Variants in KIF13B observed in about 807,000 individuals in gnomAD.
KIF13B encodes the protein kinesin-like protein KIF13B.
KIF13B carries 127 observed loss-of-function variants against 222.0 expected under a neutral mutation model. That is an observed-to-expected ratio of 0.57 (90% CI 0.50 to 0.66). The LOEUF (loss-of-function observed/expected upper bound fraction) is 0.66, where lower values mean the gene tolerates loss of function less well. Ranked by LOEUF, KIF13B falls within the 30% of genes least tolerant of loss-of-function variation. The pLI is 0.00. For synonymous variants in KIF13B, 976 were observed against 919.0 expected, an observed-to-expected ratio of 1.06 and a Z score of -1.12; for missense variants, 2,173 against 2,379.0, an observed-to-expected ratio of 0.91 and a Z score of 1.80.
chr8:29,154,284 T>A (rs936643662), intron 14 of KIF13B, among the ~76,000 whole-genome samples: 1 of 151,624 alleles, frequency 6.6e-6, no homozygotes, highest in Non-Finnish European at 1.5e-5. Context: ...ACCACTGCAC[T>A]ACAGCCTGGG....
rs1460933106 is a variant in KIF13B at position 29,147,443 on chromosome 8, G to A, written c.1973C>T (p.Ser658Phe). The change falls in exon 17 of 40, where the codon TCT becomes TTT. Residue 658 changes from serine to phenylalanine, a missense_variant. Ser to Phe is a radical substitution (Grantham distance 155). Around this residue, in one of 2 missense-constraint regions of KIF13B, gnomAD observed 1,480 missense variants for 1,722.8 expected, o/e 0.86. Transcript: ENST00000524189. ...KQNCRSMDRF[S>F]FHSPSAQQRL... ...TTGCTGAGCGCTGGGCGAGTGGAAA[G>A]AAAACCTGTCCATGCTCCGGCAGTT... The A allele has an allele frequency of 4.3e-6, 7 of 1,612,132 alleles. No individual in the cohort carries two copies. The highest frequency in any genetic ancestry group is 1.3e-5 in the African/African-American group (1 of 74,912).
chr8:29,125,836 C>T (rs1052507355), intron 26 of KIF13B, among the ~76,000 whole-genome samples: 1 of 152,086 alleles, frequency 6.6e-6, no homozygotes, highest in African/African-American at 2.4e-5. Context: ...CAGTCGGGCG[C>T]GGTGGCTCAT....
Position 29,155,839 on chromosome 8 carries a change from C to T in KIF13B, c.1422G>A (p.Gly474=), listed in dbSNP as rs1210283109. The T allele has an allele frequency of 1.3e-6, 2 of 1,578,958 alleles. No individual in the cohort carries two copies. Among genetic ancestry groups the T allele is most frequent in the African/African-American group, 2.7e-5 (2 of 74,548 alleles). The change falls in exon 14 of 40, where the codon GGG becomes GGA. Residue 474 remains glycine (G), a synonymous_variant. Transcript: ENST00000524189. ...GTTGGATATCTTGGGAATTTGCTGA[C>T]CCTATCAATGTATGTTCCTAAGAAA... ...VYYLKEHTLI[G]SANSQDIQLC... is the part of the protein sequence containing the mutation.
chr8:29,130,671 A>T lies in KIF13B; in HGVS notation c.2943-6T>A. 1 of 1,613,740 alleles carries T rather than the reference A, an allele frequency of 6.2e-7. No homozygotes were observed. Among genetic ancestry groups the T allele is most frequent in the Non-Finnish European group, 8.5e-7 (1 of 1,179,708 alleles). ...TCCTGGTCACTTCACTCCATCTAGG[A>T]AATAAGCGAAGTTCTTGGAAAATCA... On this transcript the variant is annotated splice_polypyrimidine_tract_variant and splice_region_variant and intron_variant, in intron 23 of 39. Transcript: ENST00000524189.
chr8:29,110,076 C>A lies in KIF13B; in HGVS notation c.3931-6G>T, dbSNP rs1022159449. 1.3e-6 allele frequency: 2 copies of A among 1,553,498 alleles called. No individual in the cohort carries two copies. The highest frequency in any genetic ancestry group is 1.7e-6 in the Non-Finnish European group (2 of 1,147,942). ...TCTTCCACTCCCTGGGCATCCTGAG[C>A]AGTGGAAAGTTATACATTATAAAAG... On this transcript the variant is annotated splice_polypyrimidine_tract_variant and splice_region_variant and intron_variant, in intron 32 of 39. Transcript: ENST00000524189.
At chr8:29,081,933 A>C (rs909278050) in intron 37 of KIF13B, among the ~76,000 whole-genome samples, 3 of 152,256 alleles carry the variant, frequency 2.0e-5, no homozygotes, top group African/African-American at 7.2e-5. Flanking sequence ...GTACATGTTT[A>C]AACAGTCAAT....
At chr8:29,226,601 T>C (rs2130560530) in intron 2 of KIF13B, among the ~76,000 whole-genome samples, 1 of 152,322 alleles carries the variant, frequency 6.6e-6, no homozygotes, top group South Asian at 2.1e-4. Context: ...TCTCTTTATC[T>C]AAGTTCTCCA....
At chr8:29,228,472 A>AAAAAAAAAAAAAAGTATATATAT in intron 2 of KIF13B, among the ~76,000 whole-genome samples, 3 of 117,082 alleles carry the variant, frequency 2.6e-5, no homozygotes, top group African/African-American at 9.8e-5. Context: ...ATCTTAAAAA[A>AAAAAAAAAAAAAAGTATATATAT]ATATATATAT....
At chr8:29,193,210 A>C (rs1813267303) in intron 3 of KIF13B, among the ~76,000 whole-genome samples, 1 of 152,188 alleles carries the variant, frequency 6.6e-6, no homozygotes, top group Non-Finnish European at 1.5e-5. Flanking sequence ...TGGGCCCAGA[A>C]GACATCATCC....
chr8:29,189,060 T>C (rs1175687302), intron 4 of KIF13B, among the ~76,000 whole-genome samples: 1 of 152,136 alleles, frequency 6.6e-6, no homozygotes, highest in Non-Finnish European at 1.5e-5. Context: ...CTACAACACA[T>C]ACCAGTTAGG....
At chr8:29,191,160 T>C (rs2130349780) in intron 3 of KIF13B, 103 bp from the exon 4 acceptor site, 1 of 813,318 alleles carries the variant, frequency 1.2e-6, no homozygotes, top group Non-Finnish European at 2.0e-6. Flanking sequence ...CAACTTACTG[T>C]CATACAATGG....
chr8:29,166,772 A>G (rs1328528201), intron 11 of KIF13B, among the ~76,000 whole-genome samples: 2 of 151,974 alleles, frequency 1.3e-5, no homozygotes, highest in African/African-American at 2.4e-5. Flanking sequence ...GAAGATGAGC[A>G]CTTGGGATTG....
chr8:29,093,785 T>C (rs1808402684), intron 36 of KIF13B, among the ~76,000 whole-genome samples: 1 of 151,924 alleles, frequency 6.6e-6, no homozygotes, highest in South Asian at 2.1e-4. Flanking sequence ...TACATTGTAA[T>C]CATGAGGGCG....
intron 10 of KIF13B, among the ~76,000 whole-genome samples, chr8:29,174,408 T>C (rs897151985): frequency 4.6e-5 from 7 of 152,224 alleles, no homozygotes; most frequent in African/African-American, 9.6e-5. Flanking sequence ...GAAGTTCTTA[T>C]GCTGTTTGAG....
intron 18 of KIF13B, among the ~76,000 whole-genome samples, 172 bp from the exon 19 acceptor site, chr8:29,142,475 C>T (rs1367407160): frequency 1.3e-5 from 2 of 152,184 alleles, no homozygotes; most frequent in Non-Finnish European, 2.9e-5. Flanking sequence ...TAACATAATA[C>T]CTTCCTACCC....
intron 9 of KIF13B, 128 bp downstream of exon 9, chr8:29,177,338 T>C: frequency 1.5e-6 from 1 of 659,510 alleles, no homozygotes; most frequent in Non-Finnish European, 2.7e-6. Context: ...AAACCTAAAA[T>C]GGGCCCAGGC....
intron 7 of KIF13B, among the ~76,000 whole-genome samples, chr8:29,180,503 G>C (rs1178863956): frequency 6.6e-6 from 1 of 152,152 alleles, no homozygotes; most frequent in Non-Finnish European, 1.5e-5. Context: ...GGTCACACAA[G>C]ATGAACAAGT....
At chr8:29,158,008 C>G (rs916746005) in intron 13 of KIF13B, among the ~76,000 whole-genome samples, 7 of 152,166 alleles carry the variant, frequency 4.6e-5, no homozygotes, top group African/African-American at 1.7e-4. Context: ...ACATCGGCCT[C>G]CCATCTGTTC....
chr8:29,158,185 A>C (rs1413152338), intron 13 of KIF13B, among the ~76,000 whole-genome samples: 2 of 152,186 alleles, frequency 1.3e-5, no homozygotes, highest in Non-Finnish European at 2.9e-5. Context: ...AATTGGAAAA[A>C]GCCACTGTCA....
Sources: allele counts gnomAD v4.1 joint callset (sites outside exome capture counted in the v4.1 genomes callset), GRCh38; gene constraint gnomAD v4.1.1; regional missense constraint gnomAD v4.1.1; transcripts MANE v1.5; gene names NCBI Gene and HGNC (gene_info 2026-07-23, HGNC 2026-07-21).